The following HSPA12A variants were observed in gnomAD, a reference collection of about 807,000 sequenced individuals.
The protein encoded by HSPA12A is heat shock protein family A (Hsp70) member 12A.
A neutral mutation model predicts 69.2 loss-of-function variants in HSPA12A; 28 were observed. The ratio of observed to expected loss-of-function variants is 0.40; its 90% CI spans 0.30 to 0.55. The LOEUF is 0.55. Ranked by LOEUF, HSPA12A falls within the 20% of genes least tolerant of loss-of-function variation. The pLI is 0.38. For missense variants in HSPA12A, 686 were observed against 900.7 expected (o/e 0.76, Z 3.05); for synonymous variants, 345 against 370.5 (o/e 0.93, Z 0.79).
chr10:116,782,921 G>T (rs1844494971), intron 2 of HSPA12A, among the ~76,000 whole-genome samples: 1 of 152,176 alleles, frequency 6.6e-6, no homozygotes, highest in South Asian at 2.1e-4. Flanking sequence ...AGGACACAGG[G>T]TCACCCTCAC....
At chr10:116,683,181 G>A (rs1386297378) in intron 7 of HSPA12A, among the ~76,000 whole-genome samples, 1 of 152,056 alleles carries the variant, frequency 6.6e-6, no homozygotes, top group Non-Finnish European at 1.5e-5. Context: ...CACCCACAGA[G>A]CCCTGGATAC....
chr10:116,729,397 G>C (rs1851083923), intron 1 of HSPA12A, among the ~76,000 whole-genome samples: 1 of 152,154 alleles, frequency 6.6e-6, no homozygotes, highest in Admixed American at 6.5e-5. Context: ...ATCCTCCCGA[G>C]TTGGAAATAC....
rs374902512 is a variant in HSPA12A, at chr10:116,674,773, C to T, written c.*8G>A. ...GAGTCCAAGGGGACAGGCAGCGGGG[C>T]GGGAGGGTTAGTAATTTAAGAAGTC... On this transcript the variant is annotated 3_prime_UTR_variant, in exon 12 of 12. Transcript: ENST00000369209. 1.5e-5 allele frequency: 24 copies of T among 1,597,402 alleles called. No individual in the cohort carries two copies. The highest frequency in any genetic ancestry group is 6.7e-5 in the East Asian group (3 of 44,624).
chr10:116,787,178 C>A (rs1013725321), intron 2 of HSPA12A, among the ~76,000 whole-genome samples: 1 of 152,064 alleles, frequency 6.6e-6, no homozygotes, highest in East Asian at 1.9e-4. Context: ...CATGGGATCT[C>A]ATGCATTCTG....
At chr10:116,819,533 C>T (rs1395867780) in intron 2 of HSPA12A, among the ~76,000 whole-genome samples, 2 of 152,172 alleles carry the variant, frequency 1.3e-5, no homozygotes, top group Admixed American at 1.3e-4. Flanking sequence ...TGAGGACACA[C>T]AGAAGGCACC....
At chr10:116,774,076 C>G (rs1337092986) in intron 2 of HSPA12A, among the ~76,000 whole-genome samples, 2 of 151,214 alleles carry the variant, frequency 1.3e-5, no homozygotes, top group African/African-American at 4.9e-5. Context: ...GTGGCGGGAT[C>G]TCTGCTCACT....
At chr10:116,692,206 C>A (rs1171209993) in intron 6 of HSPA12A, 145 bp downstream of exon 6, 1 of 650,454 alleles carries the variant, frequency 1.5e-6, no homozygotes, top group Non-Finnish European at 2.7e-6. Context: ...TGTCTCCCAG[C>A]TCCCACCCTG....
intron 2 of HSPA12A, among the ~76,000 whole-genome samples, chr10:116,792,646 G>T (rs897391757): frequency 2.1e-5 from 3 of 146,158 alleles, no homozygotes; most frequent in Admixed American, 2.0e-4. Flanking sequence ...AATTAGCCAG[G>T]CATGGTAGTG....
chr10:116,811,818 TGTG>T (rs1845193142), intron 2 of HSPA12A, among the ~76,000 whole-genome samples: 1 of 152,108 alleles, frequency 6.6e-6, no homozygotes, highest in South Asian at 2.1e-4. Context: ...GTAGGTTTGT[TGTG>T]GTGTTTACAT....
intron 1 of HSPA12A, among the ~76,000 whole-genome samples, chr10:116,733,486 T>C (rs957711628): frequency 2.6e-5 from 4 of 152,174 alleles, no homozygotes; most frequent in Non-Finnish European, 5.9e-5. Flanking sequence ...CCAAGGGACA[T>C]CATTTAATTG....
At chr10:116,751,101 G>A (rs1461583803) in intron 2 of HSPA12A, 1 of 160,554 alleles carries the variant, frequency 6.2e-6, no homozygotes, top group Non-Finnish European at 1.4e-5. Context: ...GGGAAAGGAG[G>A]AGAAGGAGAT....
At chr10:116,803,765 C>T (rs1278110387) in intron 2 of HSPA12A, among the ~76,000 whole-genome samples, 1 of 152,210 alleles carries the variant, frequency 6.6e-6, no homozygotes, top group Admixed American at 6.5e-5. Flanking sequence ...GTGAGCTTGA[C>T]GAAGGGTGTA....
intron 10 of HSPA12A, among the ~76,000 whole-genome samples, chr10:116,679,164 G>A (rs1648896819): frequency 6.6e-6 from 1 of 152,180 alleles, no homozygotes; most frequent in Admixed American, 6.5e-5. Flanking sequence ...TCTAGACACT[G>A]GGGATATGGC....
At chr10:116,734,378 T>C (rs141023517) in intron 1 of HSPA12A, among the ~76,000 whole-genome samples, 3,561 of 145,950 alleles carry the variant, frequency 0.024, 55 homozygotes, top group Non-Finnish European at 0.037. Context: ...TGAACCCAGG[T>C]GGTGGAGGCT....
chr10:116,802,426 C>A lies in HSPA12A; in HGVS notation c.91+32509G>T, dbSNP rs565422741. On this transcript the variant is annotated intron_variant, in intron 2 of 12. Transcript: ENST00000635765. ...CTAAAATCTTATCTATATACACGTG[C>A]ACCATATGTGATTCTGTGAGCAGGG... Among the ~76,000 whole-genome samples the A allele has an allele frequency of 3.3e-5, 5 of 152,280 alleles. No homozygotes were observed. The Middle Eastern group carries it at 0.01, about 311-fold the overall frequency.
chr10:116,758,097 C>A lies in HSPA12A; in HGVS notation c.92-50812G>T, dbSNP rs537997021. ...GGATCAATAAATGATTATTTAAAAT[C>A]CACTCAACAGAAGTGGGATAGGTGG... On this transcript the variant is annotated intron_variant, in intron 2 of 12. Transcript: ENST00000635765. Among the ~76,000 whole-genome samples, 5 of 152,248 alleles carry A rather than the reference C, an allele frequency of 3.3e-5. No individual in the cohort carries two copies. In the South Asian group the frequency reaches 1.0e-3, roughly 32 times the overall value.
chr10:116,690,876 G>A (rs1849715945), intron 6 of HSPA12A, among the ~76,000 whole-genome samples: 1 of 152,084 alleles, frequency 6.6e-6, no homozygotes. Context: ...TCTTCCTGTG[G>A]GGCTGGGAAA....
At position 116,675,516 on chromosome 10, in the gene HSPA12A, T is replaced by C. The variant is rs1849211792; in HGVS notation, c.1391-98A>G. Reference sequence around the variant, plus strand: ...ATCTGTGGGGAACGGATAAAGCCACTTGGGCCACTGGGAGGGCAGGCTTAC... The same window carrying C: ...ATCTGTGGGGAACGGATAAAGCCACCTGGGCCACTGGGAGGGCAGGCTTAC... On this transcript the variant is annotated intron_variant, in intron 11 of 11. Transcript: ENST00000369209. The surrounding 1 kb of genome is among the most constrained non-coding windows in gnomAD (Gnocchi z 5.2). The C allele has an allele frequency of 7.7e-7, 1 of 1,298,484 alleles. No individual in the cohort carries two copies. The highest frequency in any genetic ancestry group is 1.6e-5 in the South Asian group (1 of 64,362). 80.4% of individuals were successfully genotyped at this position (1,298,484 alleles called of 1,614,324 possible).
chr10:116,707,211 A>T lies in HSPA12A; in HGVS notation c.115T>A (p.Ser39Thr). The T allele has an allele frequency of 6.2e-7, 1 of 1,600,968 alleles. No homozygotes were observed. Among genetic ancestry groups the T allele is most frequent in the Non-Finnish European group, 8.5e-7 (1 of 1,170,716 alleles). The change falls in exon 2 of 12, where the codon TCC (serine) becomes ACC (threonine). Residue 39 changes from serine to threonine, a missense_variant. Coordinates refer to ENST00000369209, the MANE Select transcript of HSPA12A (RefSeq NM_025015.3). Reference protein sequence around the residue: ...GDTGITPLSPSHIVNDTDSNV... With the variant: ...GDTGITPLSPTHIVNDTDSNV... ...CACACACTTCTTACCACAATATGGGAGGGGGACAGAGGCGTTATTCCTGTG... is the reference window on the plus strand; with the variant it reads ...CACACACTTCTTACCACAATATGGGTGGGGGACAGAGGCGTTATTCCTGTG...
Sources: gnomAD v4.1 joint callset for allele counts (sites outside exome capture counted in the v4.1 genomes callset) on GRCh38, gnomAD v4.1.1 for gene constraint, Gnocchi (gnomAD v3.1) non-coding constraint, MANE v1.5 for transcripts, NCBI Gene and HGNC (gene_info 2026-07-23, HGNC 2026-07-21) for gene names.